LRP1B: variants seen among roughly 807,000 people sequenced by gnomAD.
LRP1B encodes low-density lipoprotein receptor-related protein 1B.
In LRP1B, 217 loss-of-function variants were observed where a neutral mutation model predicts 556.6. The ratio of observed to expected loss-of-function variants is 0.39; its 90% CI spans 0.35 to 0.44. The LOEUF (loss-of-function observed/expected upper bound fraction) is 0.44, where lower values mean the gene tolerates loss of function less well. Among genes scored for constraint, LRP1B ranks in the 20% least tolerant of loss-of-function variants. The pLI, the probability that LRP1B is intolerant of heterozygous loss-of-function variation, is 1.00. For synonymous variants in LRP1B, 2,047 were observed against 1,865.8 expected (o/e 1.10, Z -2.50); for missense variants, 5,053 against 5,620.8 (o/e 0.90, Z 3.23).
chr2:141,855,333 C>T (rs761436968), intron 1 of LRP1B, among the ~76,000 whole-genome samples: 28 of 152,024 alleles, frequency 1.8e-4, no homozygotes, highest in African/African-American at 5.5e-4. Flanking sequence ...ATAAGACATT[C>T]GAATTAAGAA....
At chr2:140,830,874 T>A (rs1199340184) in intron 31 of LRP1B, among the ~76,000 whole-genome samples, 2 of 152,062 alleles carry the variant, frequency 1.3e-5, no homozygotes, top group African/African-American at 2.4e-5. Flanking sequence ...GTTGCCGGAT[T>A]TATCACACAA....
chr2:140,488,481 T>C, intron 57 of LRP1B, among the ~76,000 whole-genome samples: 1 of 151,988 alleles, frequency 6.6e-6, no homozygotes, highest in South Asian at 2.1e-4. Context: ...AATTGATGGG[T>C]TTCTGGATGC....
chr2:141,226,366 G>A (rs979073876), intron 6 of LRP1B, among the ~76,000 whole-genome samples: 4 of 152,062 alleles, frequency 2.6e-5, no homozygotes, highest in African/African-American at 9.7e-5. Context: ...TTGCTACCCA[G>A]AGATGCAGTG....
chr2:140,809,813 T>C (rs557664564), intron 32 of LRP1B, among the ~76,000 whole-genome samples: 1 of 152,160 alleles, frequency 6.6e-6, no homozygotes, highest in Non-Finnish European at 1.5e-5. Context: ...ACTGCCTTTC[T>C]TCCCACGTGT....
chr2:141,799,787 A>G (rs911332379), intron 2 of LRP1B, among the ~76,000 whole-genome samples: 7 of 148,864 alleles, frequency 4.7e-5, no homozygotes, highest in African/African-American at 1.0e-4. Flanking sequence ...ACGTTTAACA[A>G]TCTGTTTTTA....
At chr2:140,915,081 C>G (rs754544685) in intron 21 of LRP1B, among the ~76,000 whole-genome samples, 1 of 152,110 alleles carries the variant, frequency 6.6e-6, no homozygotes, top group East Asian at 1.9e-4. Flanking sequence ...ACCATCGAAA[C>G]AGCCATTTCC....
intron 3 of LRP1B, among the ~76,000 whole-genome samples, chr2:141,443,275 CTGTT>C (rs1250364114): frequency 2.0e-5 from 3 of 151,616 alleles, no homozygotes; most frequent in East Asian, 3.9e-4. Context: ...TTTGATGAGG[CTGTT>C]TGTTTTTTTC....
At chr2:140,814,596 T>C (rs1010753466) in intron 31 of LRP1B, among the ~76,000 whole-genome samples, 2 of 152,220 alleles carry the variant, frequency 1.3e-5, no homozygotes, top group African/African-American at 4.8e-5. Context: ...TACTCATCTA[T>C]TTTCCATAAA....
At chr2:140,761,930 T>G (rs1688937021) in intron 35 of LRP1B, among the ~76,000 whole-genome samples, 1 of 151,990 alleles carries the variant, frequency 6.6e-6, no homozygotes, top group African/African-American at 2.4e-5. Context: ...TTTTTCTCTC[T>G]TCTTCTCCTC....
At chr2:141,416,076 T>C (rs1348589180) in intron 3 of LRP1B, among the ~76,000 whole-genome samples, 1 of 152,230 alleles carries the variant, frequency 6.6e-6, no homozygotes, top group Non-Finnish European at 1.5e-5. Flanking sequence ...ATGAAATGTT[T>C]GTGTTTTCAA....
chr2:141,169,172 G>C (rs1574148346), intron 7 of LRP1B, among the ~76,000 whole-genome samples: 1 of 151,832 alleles, frequency 6.6e-6, no homozygotes, highest in East Asian at 2.0e-4. Flanking sequence ...TATAGTCCCA[G>C]CTACTTGGGA....
intron 7 of LRP1B, among the ~76,000 whole-genome samples, chr2:141,183,491 G>A (rs1210067623): frequency 6.6e-6 from 1 of 152,008 alleles, no homozygotes; most frequent in African/African-American, 2.4e-5. Context: ...AATCATTCTT[G>A]TGTGAATTTA....
intron 20 of LRP1B, among the ~76,000 whole-genome samples, chr2:140,929,866 ATC>A (rs1490589462): frequency 6.6e-6 from 1 of 151,716 alleles, no homozygotes; most frequent in Non-Finnish European, 1.5e-5. Flanking sequence ...ATTTCTCAAT[ATC>A]TGTTAGGTTT....
intron 3 of LRP1B, among the ~76,000 whole-genome samples, chr2:141,413,778 G>T (rs908525380): frequency 9.2e-5 from 14 of 151,882 alleles, no homozygotes; most frequent in African/African-American, 3.4e-4. Context: ...CAGCTACTTG[G>T]GAGGCTGAGG....
chr2:140,752,768 G>A (rs1037723498), intron 35 of LRP1B, among the ~76,000 whole-genome samples: 1 of 152,008 alleles, frequency 6.6e-6, no homozygotes, highest in African/African-American at 2.4e-5. Flanking sequence ...TGAGAGGAAG[G>A]TAAAAAGATT....
intron 2 of LRP1B, among the ~76,000 whole-genome samples, chr2:141,775,980 C>A (rs1201130114): frequency 6.6e-6 from 1 of 151,684 alleles, no homozygotes; most frequent in East Asian, 1.9e-4. Flanking sequence ...GTAGCTGGGA[C>A]TACAGGTGCC....
intron 27 of LRP1B, among the ~76,000 whole-genome samples, chr2:140,860,091 C>A (rs371903503): frequency 2.6e-5 from 4 of 152,144 alleles, no homozygotes; most frequent in South Asian, 4.1e-4. Context: ...CAGTCAAGAT[C>A]ACACAAGTAT....
At chr2:142,115,232 A>T (rs1707143815) in intron 1 of LRP1B, among the ~76,000 whole-genome samples, 1 of 151,048 alleles carries the variant, frequency 6.6e-6, no homozygotes, top group Non-Finnish European at 1.5e-5. Flanking sequence ...GATTGATTCC[A>T]GGCTGCAAAC....
chr2:141,846,425 G>A lies in LRP1B; in HGVS notation c.83-36024C>T, dbSNP rs139628874. On this transcript the variant is annotated intron_variant, in intron 1 of 90. Coordinates refer to ENST00000389484, the MANE Select transcript of LRP1B (RefSeq NM_018557.3). ...GATACTTCACAAAATTCCCAAGATT[G>A]TATAGATATGTTTTACCGACATTTT... is the stretch of plus-strand genomic sequence containing the variant. 1.9e-3 allele frequency among the ~76,000 whole-genome samples: 289 copies of A among 151,588 alleles called. 1 individual carries two copies. The East Asian group carries it at 0.03, about 16-fold the overall frequency.
Sources: allele counts gnomAD v4.1 joint callset (sites outside exome capture counted in the v4.1 genomes callset), GRCh38; gene constraint gnomAD v4.1.1; transcripts MANE v1.5; gene names NCBI Gene and HGNC (gene_info 2026-07-23, HGNC 2026-07-21).